Variants in AP2A2 observed in about 807,000 individuals in gnomAD.
The protein encoded by AP2A2 is AP-2 complex subunit alpha-2.
Under a neutral mutation model 104.2 loss-of-function variants are expected in AP2A2, and 32 were observed. The ratio of observed to expected loss-of-function variants is 0.31; its 90% confidence interval spans 0.23 to 0.41. The LOEUF is 0.41. Ranked by LOEUF, AP2A2 falls within the 10% of genes least tolerant of loss-of-function variation. AP2A2 has a pLI of 1.00. For missense variants in AP2A2, 912 were observed against 1,261.0 expected (o/e 0.72, Z 4.19); for synonymous variants, 539 against 533.3 (o/e 1.01, Z -0.15).
At chr11:927,816 C>CAAAAAAAA in intron 1 of AP2A2, among the ~76,000 whole-genome samples, 1 of 68,838 alleles carries the variant, frequency 1.5e-5, no homozygotes, top group Non-Finnish European at 2.5e-5. Flanking sequence ...ACCTTTCTCA[C>CAAAAAAAA]AAAAAAAAAA....
intron 14 of AP2A2, among the ~76,000 whole-genome samples, chr11:998,438 T>C (rs1855927345): frequency 6.7e-6 from 1 of 150,368 alleles, no homozygotes; most frequent in South Asian, 2.1e-4. Context: ...AACCCACACA[T>C]GTAGTTTTTT....
chr11:962,078 G>A lies in AP2A2; in HGVS notation c.136+2573G>A, dbSNP rs150355703. ...AGGGAGCTCGGGAGCCCAGATTGCCGGCTGGAGGTGGTGGCACTGGGTTGA... is the reference window on the plus strand; with the variant it reads ...AGGGAGCTCGGGAGCCCAGATTGCCAGCTGGAGGTGGTGGCACTGGGTTGA... On this transcript the variant is annotated intron_variant, in intron 2 of 21. Transcript: ENST00000448903. 4.5e-3 allele frequency among the ~76,000 whole-genome samples: 682 copies of A among 152,384 alleles called. 2 individuals are homozygous for A. The highest frequency in any genetic ancestry group is 0.016 in the African/African-American group (657 of 41,596).
chr11:984,770 G>T lies in AP2A2; in HGVS notation c.814+17G>T. The stretch of plus-strand genomic sequence containing the variant: ...CACCCCCAGGTAACGCGCAGGCCGC[G>T]GCTCCTGAAGCTGCACCAGTGCCAG... On this transcript the variant is annotated intron_variant, in intron 7 of 21. Transcript: ENST00000448903. 6.4e-7 allele frequency: 1 copy of T among 1,567,432 alleles called. No individual in the cohort carries two copies.
chr11:930,934 C>G (rs1022085868), intron 1 of AP2A2, among the ~76,000 whole-genome samples: 1 of 151,930 alleles, frequency 6.6e-6, no homozygotes, highest in Admixed American at 6.6e-5. Context: ...TCGACATGCA[C>G]GTGTGTGTGT....
chr11:996,437 G>A (rs750104437), intron 14 of AP2A2, among the ~76,000 whole-genome samples: 7 of 152,244 alleles, frequency 4.6e-5, no homozygotes, highest in Admixed American at 2.0e-4. Context: ...GGGGCTGTAG[G>A]ATTGTCTTCA....
At chr11:1,000,327 G>A in intron 14 of AP2A2, 105 bp from the exon 15 acceptor site, 1 of 1,177,172 alleles carries the variant, frequency 8.5e-7, no homozygotes, top group Non-Finnish European at 1.2e-6. Flanking sequence ...GGGAGTGCAT[G>A]GATGCCAAGG....
chr11:969,219 CCTTTTTTT>C (rs1854733282), intron 2 of AP2A2, among the ~76,000 whole-genome samples: 1 of 112,812 alleles, frequency 8.9e-6, no homozygotes. Context: ...GTAGAACAGC[CCTTTTTTT>C]TTTTTTTTTT....
chr11:1,010,679 G>A lies in AP2A2; in HGVS notation c.*54G>A, dbSNP rs533255911. 3.0e-5 allele frequency: 44 copies of A among 1,459,620 alleles called. No homozygotes were observed. The highest frequency in any genetic ancestry group is 1.8e-4 in the Admixed American group (9 of 51,374). 90.4% of individuals were successfully genotyped at this position (1,459,620 alleles called of 1,614,324 possible). A position where few individuals can be genotyped will look rare whatever the true frequency, so the allele number is the denominator to read the frequency against. On this transcript the variant is annotated 3_prime_UTR_variant, in exon 22 of 22. Transcript: ENST00000448903. ...GTCTTGTGTTGTCTTCGTCTGTGCC[G>A]TTTGTCTTCGTGGCCATCCTGCAGA... is the stretch of plus-strand genomic sequence containing the variant.
intron 8 of AP2A2, among the ~76,000 whole-genome samples, chr11:986,561 C>T (rs868471909): frequency 9.2e-5 from 14 of 152,312 alleles, no homozygotes; most frequent in Non-Finnish European, 1.5e-4. Flanking sequence ...TGCTGACTCA[C>T]TGTGGGGATG....
In AP2A2 at chr11:939,296, C is replaced by G. The variant is rs556111396; in HGVS notation, c.67+13208C>G. Among the ~76,000 whole-genome samples, 21 of 151,692 alleles carry G rather than the reference C, an allele frequency of 1.4e-4. No individual in the cohort carries two copies. The South Asian group carries it at 4.2e-3, about 30-fold the overall frequency. On this transcript the variant is annotated intron_variant, in intron 1 of 21. Coordinates refer to ENST00000448903, the MANE Select transcript of AP2A2 (RefSeq NM_012305.4). ...TAAGAAGTTAATTATAAAACATTGC[C>G]CCTGCCTTGCCCACATTTCTAAACC...
At chr11:983,089 C>T (rs529277289) in intron 6 of AP2A2, among the ~76,000 whole-genome samples, 321 of 132,176 alleles carry the variant, frequency 2.4e-3, no homozygotes, top group African/African-American at 8.8e-3. Flanking sequence ...GGCACGATCT[C>T]GGTTTACCAC....
In AP2A2 at chr11:968,201, C is replaced by T. The variant is rs574915395; in HGVS notation, c.137-1968C>T. The stretch of plus-strand genomic sequence containing the variant: ...CGCTGGCGACTTCCGCTGCCCCTCA[C>T]GGTGCTTATGCAACAGGGGTGGTGT... On this transcript the variant is annotated intron_variant, in intron 2 of 21. Coordinates refer to ENST00000448903, the MANE Select transcript of AP2A2 (RefSeq NM_012305.4). This position sits in a 1 kb window ranked among gnomAD's most constrained non-coding sequence, Gnocchi z 4.2. Among the ~76,000 whole-genome samples, 14 of 152,344 alleles carry T rather than the reference C, an allele frequency of 9.2e-5. No homozygotes were observed. In the South Asian group the frequency reaches 2.3e-3, roughly 25 times the overall value.
At chr11:935,914 T>A (rs1208231063) in intron 1 of AP2A2, among the ~76,000 whole-genome samples, 1 of 150,314 alleles carries the variant, frequency 6.7e-6, no homozygotes, top group Non-Finnish European at 1.5e-5. Flanking sequence ...TTTTTTTTTT[T>A]TCCCCCAGGC....
At chr11:978,361 G>A (rs921269994) in intron 5 of AP2A2, among the ~76,000 whole-genome samples, 5 of 152,310 alleles carry the variant, frequency 3.3e-5, no homozygotes, top group South Asian at 4.1e-4. Flanking sequence ...CCATGCAGCC[G>A]CAGGGTCACC....
At chr11:940,852 G>A in intron 1 of AP2A2, 2 of 456,260 alleles carry the variant, frequency 4.4e-6, no homozygotes, top group African/African-American at 2.0e-5. Flanking sequence ...CTGAATGCTG[G>A]TTCAGTTCTT....
chr11:941,507 C>T (rs1350909088), intron 1 of AP2A2, among the ~76,000 whole-genome samples: 1 of 151,636 alleles, frequency 6.6e-6, no homozygotes, highest in Non-Finnish European at 1.5e-5. Context: ...GTCCTGAACT[C>T]CTGGCCTCAA....
intron 6 of AP2A2, among the ~76,000 whole-genome samples, chr11:982,430 C>T (rs1473789250): frequency 6.6e-6 from 1 of 152,120 alleles, no homozygotes; most frequent in Non-Finnish European, 1.5e-5. Context: ...GTTTGGGTGT[C>T]TTGTTTTGTG....
chr11:928,674 A>G (rs1853196071), intron 1 of AP2A2, among the ~76,000 whole-genome samples: 1 of 152,252 alleles, frequency 6.6e-6, no homozygotes, highest in African/African-American at 2.4e-5. Context: ...TCCGCCGTCG[A>G]GAACCACTAG....
At chr11:958,001 G>C (rs1854292931) in intron 1 of AP2A2, among the ~76,000 whole-genome samples, 1 of 152,234 alleles carries the variant, frequency 6.6e-6, no homozygotes, top group Non-Finnish European at 1.5e-5. Context: ...GTTCCCTCTA[G>C]CTGTGGACCG....
Sources: gnomAD v4.1 joint callset for allele counts (sites outside exome capture counted in the v4.1 genomes callset) on GRCh38, gnomAD v4.1.1 for gene constraint, Gnocchi (gnomAD v3.1) non-coding constraint, MANE v1.5 for transcripts, NCBI Gene and HGNC (gene_info 2026-07-23, HGNC 2026-07-21) for gene names.